GNE: variants seen among roughly 807,000 people sequenced by gnomAD.
GNE encodes glucosamine (UDP-N-acetyl)-2-epimerase/N-acetylmannosamine kinase.
In GNE, 41 loss-of-function variants were observed where a neutral mutation model predicts 61.8. The ratio of observed to expected loss-of-function variants is 0.66; its 90% CI spans 0.52 to 0.86. The LOEUF is 0.86. Among genes scored for constraint, GNE ranks in the 40% least tolerant of loss-of-function variants. The pLI is 0.00. For synonymous variants in GNE, 264 were observed against 326.4 expected (o/e 0.81, Z 2.06); for missense variants, 608 against 909.1 (o/e 0.67, Z 4.26).
At chr9:36,255,021 T>C (rs1272392975) in intron 1 of GNE, among the ~76,000 whole-genome samples, 1 of 152,180 alleles carries the variant, frequency 6.6e-6, no homozygotes, top group Non-Finnish European at 1.5e-5. Context: ...TCTATAAACC[T>C]GGCCTTAGGT....
At chr9:36,258,736 C>T (rs1244102571), upstream of GNE, among the ~76,000 whole-genome samples, 2 of 152,224 alleles carry the variant, frequency 1.3e-5, no homozygotes, top group Non-Finnish European at 2.9e-5. Flanking sequence ...CACTGAAGCC[C>T]GAGTCTTCCC....
At chr9:36,253,918 A>G (rs577043282) in intron 1 of GNE, among the ~76,000 whole-genome samples, 8 of 152,150 alleles carry the variant, frequency 5.3e-5, no homozygotes, top group Admixed American at 2.6e-4. Flanking sequence ...TGCACCTGCA[A>G]TCCCAGCACT....
chr9:36,249,170 T>C, intron 2 of GNE, 22 bp downstream of exon 2: 1 of 1,592,494 alleles, frequency 6.3e-7, no homozygotes, highest in Non-Finnish European at 8.6e-7. Flanking sequence ...CAATGAAGAA[T>C]AAGAAAATGC....
intron 1 of GNE, among the ~76,000 whole-genome samples, chr9:36,256,146 C>T (rs535747085): frequency 4.7e-4 from 70 of 149,590 alleles, no homozygotes; most frequent in African/African-American, 1.5e-3. Flanking sequence ...AGGCTGGTCT[C>T]GATCTCCTGA....
At chr9:36,272,892 G>T (rs2133201165) in intron 1 of GNE, among the ~76,000 whole-genome samples, 1 of 142,736 alleles carries the variant, frequency 7.0e-6, no homozygotes, top group Non-Finnish European at 1.5e-5. Flanking sequence ...CCAACGTGGT[G>T]GTGAAACCTC....
chr9:36,224,671 A>G (rs1327029782), intron 7 of GNE, among the ~76,000 whole-genome samples: 1 of 152,038 alleles, frequency 6.6e-6, no homozygotes, highest in Non-Finnish European at 1.5e-5. Flanking sequence ...GGAGTTCAAG[A>G]CCAGCCTGCG....
chr9:36,264,654 C>G (rs1233501484), intron 1 of GNE, among the ~76,000 whole-genome samples: 1 of 152,086 alleles, frequency 6.6e-6, no homozygotes, highest in African/African-American at 2.4e-5. Flanking sequence ...ATTTCCTAGG[C>G]CGACTAAGAA....
rs530320188 is a variant in GNE at position 36,223,450 on chromosome 9, C to G, written c.1334G>C (p.Arg445Thr). The change falls in exon 8 of 12, where the codon AGG (arginine) becomes ACG (threonine). Residue 445 changes from arginine (R) to threonine (T), a missense_variant. Coordinates refer to ENST00000642385, the MANE Select transcript of GNE (RefSeq NM_005476.7). ...ACACATCTGTAGGATTAAATTAATC[C>G]TCTCTTCATAGGTTTTAGGATTGAA... is the stretch of plus-strand genomic sequence containing the variant. ...TQFNPKTYEE[R>T]INLILQMCVE... The G allele has an allele frequency of 6.2e-7, 1 of 1,611,094 alleles. No homozygotes were observed. Among genetic ancestry groups the G allele is most frequent in the South Asian group, 1.1e-5 (1 of 91,018 alleles).
At chr9:36,221,045 G>C (rs1001952241) in intron 9 of GNE, among the ~76,000 whole-genome samples, 4 of 152,228 alleles carry the variant, frequency 2.6e-5, no homozygotes, top group African/African-American at 9.6e-5. Flanking sequence ...CTTAGGCTGG[G>C]TGTGGTGGCT....
At chr9:36,265,113 C>CT (rs1488854488) in intron 1 of GNE, 16 of 290,332 alleles carry the variant, frequency 5.5e-5, no homozygotes, top group South Asian at 2.5e-4. Flanking sequence ...GAGGCGCCCA[C>CT]TGCTGCTCCC....
upstream of GNE, among the ~76,000 whole-genome samples, chr9:36,258,727 A>T (rs927618386): frequency 6.6e-6 from 1 of 152,238 alleles, no homozygotes; most frequent in African/African-American, 2.4e-5. Flanking sequence ...CGACACACGC[A>T]CTGAAGCCCG....
intron 2 of GNE, among the ~76,000 whole-genome samples, chr9:36,248,446 C>T (rs1038708908): frequency 1.3e-5 from 2 of 151,628 alleles, no homozygotes; most frequent in Non-Finnish European, 2.9e-5. Flanking sequence ...TCCCGAGTAG[C>T]TAGGACTACG....
Position 36,222,885 on chromosome 9 carries a change from G to A in GNE, c.1525C>T (p.His509Tyr), listed in dbSNP as rs754892377. ...TCATTGTCTACCCACACAGGGAGAT[G>A]CAAAGTGTCAGAAAGGGGGGTCCTA... Reference protein sequence around the residue: ...DLRTPLSDTLHLPVWVDNDGN... With the variant: ...DLRTPLSDTLYLPVWVDNDGN... The change falls in exon 9 of 12, where the codon CAT (histidine) becomes TAT (tyrosine). Residue 509 changes from histidine to tyrosine, a missense_variant. His to Tyr is a moderately conservative substitution (Grantham distance 83). Coordinates refer to ENST00000642385, the MANE Select transcript of GNE (RefSeq NM_005476.7). 4 of 1,614,136 alleles carry A rather than the reference G, an allele frequency of 2.5e-6. No homozygotes were observed. The East Asian group carries it at 6.7e-5, about 27-fold the overall frequency.
rs1021541702 is a variant in GNE, at chr9:36,215,328, C to G, written c.*2037G>C. ...AGACCCGTCTCAAAAAAATAGAACA[C>G]CTGTCACTAGACCAAATACTATACT... On this transcript the variant is annotated 3_prime_UTR_variant, in exon 12 of 12. Transcript: ENST00000642385. The G allele has an allele frequency of 1.5e-4, 23 of 152,232 alleles. No homozygotes were observed. The highest frequency in any genetic ancestry group is 5.5e-4 in the African/African-American group (23 of 41,512). 9.4% of individuals were successfully genotyped at this position (152,232 alleles called of 1,614,324 possible). A position where few individuals can be genotyped will look rare whatever the true frequency, so the allele number is the denominator to read the frequency against.
At position 36,258,312 on chromosome 9, in the gene GNE, G is replaced by T; in HGVS notation, c.-43+9C>A. On this transcript the variant is annotated intron_variant, in intron 1 of 11. Transcript: ENST00000642385. ...CTCCCGGAGTCCCACGCCGCCGCGC[G>T]GCTCTCACCAGACGCCGTCAGAGGC... 1.0e-6 allele frequency: 1 copy of T among 985,062 alleles called. No individual in the cohort carries two copies. 61.0% of individuals were successfully genotyped at this position (985,062 alleles called of 1,614,324 possible). A position where few individuals can be genotyped will look rare whatever the true frequency, so the allele number is the denominator to read the frequency against.
At chr9:36,272,289 T>C (rs778498056) in intron 1 of GNE, among the ~76,000 whole-genome samples, 7 of 152,134 alleles carry the variant, frequency 4.6e-5, no homozygotes, top group Non-Finnish European at 7.4e-5. Flanking sequence ...GGAGAGTTTT[T>C]AATTAGGGAA....
chr9:36,269,700 C>A (rs13288830), intron 1 of GNE, among the ~76,000 whole-genome samples: 23,745 of 139,664 alleles, frequency 0.17, 2,216 homozygotes, highest in Non-Finnish European at 0.21. Flanking sequence ...CTCGCTCTGT[C>A]GCCCAGGCTG....
chr9:36,257,626 A>AC, intron 1 of GNE, among the ~76,000 whole-genome samples: 1 of 151,056 alleles, frequency 6.6e-6, no homozygotes. Flanking sequence ...ACATGGTGAA[A>AC]CCCCGTCTCT....
In GNE at chr9:36,222,946, T is replaced by C. The variant is rs771209350; in HGVS notation, c.1464A>G (p.Ser488=). 4.2e-5 allele frequency: 68 copies of C among 1,614,042 alleles called. No individual in the cohort carries two copies. The South Asian group carries it at 5.8e-4, about 14-fold the overall frequency. The change falls in exon 9 of 12, where the codon TCA becomes TCG. Residue 488 remains serine (S), a synonymous_variant. Coordinates refer to ENST00000642385, the MANE Select transcript of GNE (RefSeq NM_005476.7). ...VNPREGIVLH[S]TKLIQEWNSV... ...AGTTCCACTCTTGGATCAGTTTGGT[T>C]GAATGCAGCACAATTCCTTCCCGAG...
Sources: gnomAD v4.1 joint callset for allele counts (sites outside exome capture counted in the v4.1 genomes callset) on GRCh38, gnomAD v4.1.1 for gene constraint, MANE v1.5 for transcripts, NCBI Gene and HGNC (gene_info 2026-07-23, HGNC 2026-07-21) for gene names.